Variants in MTFR1 observed in about 807,000 individuals in gnomAD.
MTFR1 encodes the protein mitochondrial fission regulator 1, also known as chondrocyte protein with a poly-proline region.
MTFR1 carries 28 observed loss-of-function variants against 38.8 expected under a neutral mutation model. That is an observed-to-expected ratio of 0.72 (90% CI 0.53 to 0.99). The LOEUF (loss-of-function observed/expected upper bound fraction) is 0.99, where lower values mean the gene tolerates loss of function less well. MTFR1 is among the 50% of genes least tolerant of loss of function. MTFR1 has a pLI of 0.00. For missense variants in MTFR1, 358 were observed against 395.5 expected (o/e 0.91, Z 0.81); for synonymous variants, 145 against 137.0 (o/e 1.06, Z -0.41).
intron 2 of MTFR1, among the ~76,000 whole-genome samples, chr8:65,678,871 C>G (rs918987816): frequency 6.6e-6 from 1 of 151,592 alleles, no homozygotes; most frequent in East Asian, 1.9e-4. Flanking sequence ...GGTGACAGAG[C>G]GAGACTCCAT....
chr8:65,695,906 C>T (rs1422855859), intron 4 of MTFR1, among the ~76,000 whole-genome samples: 1 of 152,120 alleles, frequency 6.6e-6, no homozygotes, highest in Non-Finnish European at 1.5e-5. Flanking sequence ...GTGAAGCCAG[C>T]ATTTTGAAGT....
intron 3 of MTFR1, chr8:65,726,787 A>T: frequency 1.4e-6 from 1 of 714,602 alleles, no homozygotes. Flanking sequence ...ACACCTGAAC[A>T]TAACAATTTT....
rs569128238 is a variant in MTFR1 at position 65,685,470 on chromosome 8, C to T, written c.165+3019C>T. On this transcript the variant is annotated intron_variant, in intron 3 of 7. Coordinates refer to ENST00000262146, the MANE Select transcript of MTFR1 (RefSeq NM_014637.4). ...CATTTTTCTCTCTGGTAAACCTAAC[C>T]CAAGCTATTTTCTTGGACTGCAAGG... Among the ~76,000 whole-genome samples, 24 of 152,228 alleles carry T rather than the reference C, an allele frequency of 1.6e-4. No individual in the cohort carries two copies. In the South Asian group the frequency reaches 4.8e-3, roughly 30 times the overall value.
At chr8:65,691,702 T>C (rs1290884887) in intron 3 of MTFR1, among the ~76,000 whole-genome samples, 1 of 152,188 alleles carries the variant, frequency 6.6e-6, no homozygotes, top group East Asian at 1.9e-4. Context: ...CAGGCTGGAT[T>C]GCAGTAGCGC....
At chr8:65,728,911 A>G (rs1178179348) in intron 3 of MTFR1, among the ~76,000 whole-genome samples, 3 of 152,242 alleles carry the variant, frequency 2.0e-5, no homozygotes, top group African/African-American at 7.2e-5. Flanking sequence ...AAGCAACTGA[A>G]TTCTCAAAAA....
chr8:65,763,589 T>C (rs1183088153), intron 3 of MTFR1, among the ~76,000 whole-genome samples: 2 of 152,108 alleles, frequency 1.3e-5, no homozygotes, highest in Non-Finnish European at 2.9e-5. Context: ...TTGATTACTC[T>C]TATTGTTATG....
At chr8:65,737,353 C>T (rs1196243492) in intron 3 of MTFR1, among the ~76,000 whole-genome samples, 1 of 152,006 alleles carries the variant, frequency 6.6e-6, no homozygotes, top group Non-Finnish European at 1.5e-5. Flanking sequence ...TGGGGATATG[C>T]ATCTTTATAA....
At chr8:65,647,613 A>G (rs1391589129) in intron 1 of MTFR1, among the ~76,000 whole-genome samples, 2 of 152,152 alleles carry the variant, frequency 1.3e-5, no homozygotes, top group Admixed American at 1.3e-4. Context: ...TCTGGCCTAT[A>G]GTACGTTTTG....
At chr8:65,746,848 A>C (rs1253840421) in intron 3 of MTFR1, among the ~76,000 whole-genome samples, 2 of 152,146 alleles carry the variant, frequency 1.3e-5, no homozygotes, top group Non-Finnish European at 2.9e-5. Context: ...CTTCACTTTC[A>C]TGTAATTGTA....
chr8:65,746,481 ATTAACT>A (rs1427857876), intron 3 of MTFR1, among the ~76,000 whole-genome samples: 1 of 152,306 alleles, frequency 6.6e-6, no homozygotes, highest in African/African-American at 2.4e-5. Context: ...AATTTACTAC[ATTAACT>A]TTTAGGATAA....
intron 3 of MTFR1, among the ~76,000 whole-genome samples, chr8:65,687,570 C>T (rs1467297442): frequency 1.3e-5 from 2 of 152,028 alleles, no homozygotes; most frequent in African/African-American, 2.4e-5. Flanking sequence ...TGGTTTCGAT[C>T]TCCTGACCTC....
chr8:65,691,401 C>T (rs1477124150), intron 3 of MTFR1, among the ~76,000 whole-genome samples: 3 of 152,124 alleles, frequency 2.0e-5, no homozygotes, highest in Non-Finnish European at 4.4e-5. Flanking sequence ...GATTCTCCCA[C>T]CTCAGCCTCC....
At chr8:65,766,262 A>G (rs892266627) in intron 3 of MTFR1, among the ~76,000 whole-genome samples, 3 of 152,170 alleles carry the variant, frequency 2.0e-5, no homozygotes, top group Non-Finnish European at 4.4e-5. Context: ...AATTTTTGAC[A>G]AAAAAATCAA....
intron 3 of MTFR1, among the ~76,000 whole-genome samples, chr8:65,761,590 G>A (rs1195750960): frequency 1.3e-5 from 2 of 152,182 alleles, no homozygotes; most frequent in East Asian, 3.8e-4. Flanking sequence ...CTATTAAAGA[G>A]CAGTTGGCTT....
intron 1 of MTFR1, among the ~76,000 whole-genome samples, chr8:65,649,905 C>T (rs1198529046): frequency 9.3e-5 from 14 of 150,818 alleles, no homozygotes. Flanking sequence ...GTGGCGTGAT[C>T]TCGGCTCACT....
At chr8:65,763,345 C>A (rs1219216120) in intron 3 of MTFR1, among the ~76,000 whole-genome samples, 2 of 152,130 alleles carry the variant, frequency 1.3e-5, no homozygotes, top group East Asian at 3.9e-4. Flanking sequence ...GCGGGTGGAT[C>A]ACCTGAGGTC....
intron 6 of MTFR1, 34 bp downstream of exon 6, chr8:65,707,290 T>A (rs756634009): frequency 6.3e-7 from 1 of 1,593,690 alleles, no homozygotes; most frequent in Non-Finnish European, 8.6e-7. Flanking sequence ...CTTCCCCATT[T>A]GTTTGTCTTA....
rs1554544272 is a variant in MTFR1 at position 65,645,692 on chromosome 8, T to TTTC, written c.-81+908_-81+909insTTC. Among the ~76,000 whole-genome samples the TTTC allele has an allele frequency of 1.6e-3, 137 of 83,176 alleles. 2 individuals carry two copies. Among genetic ancestry groups the TTTC allele is most frequent in the African/African-American group, 2.9e-3 (58 of 19,746 alleles). 54.6% of individuals were successfully genotyped at this position (83,176 alleles called of 152,430 possible). A position where few individuals can be genotyped will look rare whatever the true frequency, so the allele number is the denominator to read the frequency against. On this transcript the variant is annotated intron_variant, in intron 1 of 7. Transcript: ENST00000262146. ...AGGCAGGCGCCATCACGCCCGGCTTTCCCCCCCCCCCCCCTTTGTAGAGAT... is the reference window on the plus strand; with the variant it reads ...AGGCAGGCGCCATCACGCCCGGCTTTTTCCCCCCCCCCCCCCCTTTGTAGAGAT...
At chr8:65,768,033 A>AG (rs947229382) in intron 3 of MTFR1, among the ~76,000 whole-genome samples, 5 of 152,096 alleles carry the variant, frequency 3.3e-5, no homozygotes, top group African/African-American at 1.2e-4. Context: ...CCCTCCAGGT[A>AG]GACAGTGTTG....
Sources: allele counts gnomAD v4.1 joint callset (sites outside exome capture counted in the v4.1 genomes callset), GRCh38; gene constraint gnomAD v4.1.1; transcripts MANE v1.5; gene names NCBI Gene and HGNC (gene_info 2026-07-23, HGNC 2026-07-21).